Variants in SLC6A12 observed in about 807,000 individuals in gnomAD.
SLC6A12 encodes solute carrier family 6 member 12, also known as sodium- and chloride-dependent betaine transporter.
Under a neutral mutation model 73.3 loss-of-function variants are expected in SLC6A12, and 50 were observed. The ratio of observed to expected loss-of-function variants is 0.68; its 90% CI spans 0.54 to 0.86. SLC6A12 has a LOEUF of 0.86. Ranked by LOEUF, SLC6A12 falls within the 40% of genes least tolerant of loss-of-function variation. The pLI, the probability that SLC6A12 is intolerant of heterozygous loss-of-function variation, is 0.00. For synonymous variants in SLC6A12, 304 were observed against 309.2 expected (o/e 0.98, Z 0.18); for missense variants, 648 against 772.8 (o/e 0.84, Z 1.92).
In SLC6A12 at chr12:192,511, G is replaced by A. The variant is rs1245993856; in HGVS notation, c.1668C>T (p.Ile556=). The change falls in exon 15 of 16, where the codon ATC becomes ATT. Residue 556 remains isoleucine, a synonymous_variant. Coordinates refer to ENST00000684302, the MANE Select transcript of SLC6A12 (RefSeq NM_001122848.3). ...SMVCVPLFVV[I]TLLKTRGPFR... The stretch of plus-strand genomic sequence containing the variant: ...AAGGACCCCGAGTCTTCAGGAGGGT[G>A]ATGACGACGAAGAGTGGGACACAGA... 1 of 1,614,140 alleles carries A rather than the reference G, an allele frequency of 6.2e-7. No homozygotes were observed. Among genetic ancestry groups the A allele is most frequent in the Non-Finnish European group, 8.5e-7 (1 of 1,180,036 alleles).
At chr12:212,255 G>T (rs1249302605) in intron 1 of SLC6A12, 145 bp from the exon 2 acceptor site, 1 of 152,264 alleles carries the variant, frequency 6.6e-6, no homozygotes, top group Non-Finnish European at 1.5e-5. Flanking sequence ...AAGCACAAGG[G>T]CCCTTAGGGC....
At chr12:209,099 C>T (rs1410635163) in intron 3 of SLC6A12, among the ~76,000 whole-genome samples, 1 of 152,190 alleles carries the variant, frequency 6.6e-6, no homozygotes, top group African/African-American at 2.4e-5. Context: ...TGCCTCCTCA[C>T]TGCTCCTCAG....
At chr12:206,780 C>G (rs1360892154) in intron 3 of SLC6A12, among the ~76,000 whole-genome samples, 1 of 152,220 alleles carries the variant, frequency 6.6e-6, no homozygotes, top group African/African-American at 2.4e-5. Flanking sequence ...AGTCCCAGGA[C>G]CTAGGCTGAG....
At chr12:205,784 T>C (rs888056677) in intron 3 of SLC6A12, among the ~76,000 whole-genome samples, 1 of 152,252 alleles carries the variant, frequency 6.6e-6, no homozygotes, top group African/African-American at 2.4e-5. Flanking sequence ...AATACATTGT[T>C]TGATAACCAC....
At chr12:187,589 C>CAAAAGAGCAA (rs1939453849), downstream of SLC6A12, among the ~76,000 whole-genome samples, 21 of 106,040 alleles carry the variant, frequency 2.0e-4, no homozygotes, top group African/African-American at 1.0e-3. Context: ...TGCAAAAGAG[C>CAAAAGAGCAA]AAAAAAAAAA....
chr12:206,802 G>A (rs190651913), intron 3 of SLC6A12, among the ~76,000 whole-genome samples: 11 of 152,378 alleles, frequency 7.2e-5, no homozygotes, highest in African/African-American at 2.2e-4. Flanking sequence ...GGTAGCACTC[G>A]GTAGAGGGAC....
intron 15 of SLC6A12, 74 bp from the exon 16 acceptor site, chr12:191,285 C>T: frequency 8.2e-7 from 1 of 1,220,002 alleles, no homozygotes; most frequent in Non-Finnish European, 1.0e-6. Flanking sequence ...TGTGCAACCC[C>T]AGGGCCCAGC....
At position 197,920 on chromosome 12, in the gene SLC6A12, C is replaced by G; in HGVS notation, c.930G>C (p.Lys310Asn). 1.4e-6 allele frequency: 2 copies of G among 1,379,820 alleles called. No homozygotes were observed. Among genetic ancestry groups the G allele is most frequent in the Non-Finnish European group, 2.0e-6 (2 of 1,014,200 alleles). 85.5% of individuals were successfully genotyped at this position (1,379,820 alleles called of 1,614,324 possible). ...GCLTALGSYN[K>N]YHNNCYKDCI... is the part of the protein sequence containing the mutation. ...CTCACTTGTAGCAGTTGTTGTGATA[C>G]TTGTTGTAGCTGCCCAGGGCTGTCA... is the stretch of plus-strand genomic sequence containing the variant. The change falls in exon 9 of 16, where the codon AAG becomes AAC. Residue 310 changes from lysine to asparagine, a missense_variant. By Grantham distance (94) the Lys-to-Asn change is moderately conservative. Transcript: ENST00000684302.
At chr12:205,256 A>G (rs1198883795) in intron 3 of SLC6A12, among the ~76,000 whole-genome samples, 1 of 152,094 alleles carries the variant, frequency 6.6e-6, no homozygotes, top group African/African-American at 2.4e-5. Flanking sequence ...GACATCCAGC[A>G]GGTTACACAG....
At chr12:204,736 G>T in intron 3 of SLC6A12, 38 bp from the exon 4 acceptor site, 1 of 1,610,976 alleles carries the variant, frequency 6.2e-7, no homozygotes, top group Non-Finnish European at 8.5e-7. Context: ...GCCACACCCG[G>T]GCTCTTCCTC....
At chr12:197,110 C>CCATCT (rs1939915839) in intron 10 of SLC6A12, among the ~76,000 whole-genome samples, 3 of 47,488 alleles carry the variant, frequency 6.3e-5, no homozygotes, top group African/African-American at 2.3e-4. Context: ...TCCATCCATC[C>CCATCT]ATCCATCCAT....
the SLC6A12 span, among the ~76,000 whole-genome samples, chr12:184,567 G>T: frequency 3.9e-4 from 59 of 152,042 alleles, 1 homozygote; most frequent in Non-Finnish European, 1.2e-4. Context: ...TGGCTAACAC[G>T]GTGAAACCCC....
chr12:189,785 TG>T (rs1939515706), downstream of SLC6A12, among the ~76,000 whole-genome samples: 1 of 151,740 alleles, frequency 6.6e-6, no homozygotes, highest in African/African-American at 2.4e-5. Context: ...GAGGAGTGGG[TG>T]GGAAACGGGT....
Position 209,826 on chromosome 12 carries a change from A to G in SLC6A12, c.161T>C (p.Ile54Thr), listed in dbSNP as rs780056660. 59 of 1,614,072 alleles carry G rather than the reference A, an allele frequency of 3.7e-5. 2 individuals are homozygous for G. Among genetic ancestry groups the G allele is most frequent in the South Asian group, 3.6e-4 (33 of 91,082 alleles). Residue 54 changes from isoleucine (I) to threonine (T), a missense_variant, in exon 3 of 16, where the codon ATT (isoleucine) becomes ACT (threonine). Physicochemically the swap from Ile to Thr is moderately conservative, Grantham distance 89. Coordinates refer to ENST00000684302, the MANE Select transcript of SLC6A12 (RefSeq NM_001122848.3). Reference sequence around the variant, plus strand: ...AAACCTCCAGACATTGCCCAGCCCAATGATCTCCCCGGCCACTGACAGCAC... The same window carrying G: ...AAACCTCCAGACATTGCCCAGCCCAGTGATCTCCCCGGCCACTGACAGCAC... Reference protein sequence around the residue: ...EFVLSVAGEIIGLGNVWRFPY... With the variant: ...EFVLSVAGEITGLGNVWRFPY...
chr12:189,093 G>T (rs546692750), downstream of SLC6A12, among the ~76,000 whole-genome samples: 359 of 152,332 alleles, frequency 2.4e-3, 1 homozygote, highest in African/African-American at 8.0e-3. Flanking sequence ...TTGGGAGCCC[G>T]ACCCAAAGCG....
downstream of SLC6A12, among the ~76,000 whole-genome samples, chr12:188,859 C>G (rs78127810): frequency 2.0e-5 from 3 of 152,144 alleles, no homozygotes; most frequent in South Asian, 2.1e-4. Flanking sequence ...CCCGCACCCC[C>G]CTCCCCGTTC....
chr12:185,745 C>G (rs1008130576), downstream of SLC6A12, among the ~76,000 whole-genome samples: 18 of 152,190 alleles, frequency 1.2e-4, no homozygotes, highest in African/African-American at 3.4e-4. Flanking sequence ...GGCCATCTGC[C>G]CCTGCTGTGG....
At chr12:187,249 C>T (rs1450154669), downstream of SLC6A12, among the ~76,000 whole-genome samples, 2 of 152,106 alleles carry the variant, frequency 1.3e-5, no homozygotes, top group African/African-American at 4.8e-5. Flanking sequence ...TTCTTGGTCT[C>T]ACTGACTTCA....
At chr12:200,347 A>G (rs11836552) in intron 7 of SLC6A12, among the ~76,000 whole-genome samples, 1 of 151,888 alleles carries the variant, frequency 6.6e-6, no homozygotes, top group Non-Finnish European at 1.5e-5. Context: ...TGACCTCGTG[A>G]TCCGCCAGCC....
Sources: gnomAD v4.1 joint callset for allele counts (sites outside exome capture counted in the v4.1 genomes callset) on GRCh38, gnomAD v4.1.1 for gene constraint, MANE v1.5 for transcripts, NCBI Gene and HGNC (gene_info 2026-07-23, HGNC 2026-07-21) for gene names.